Variants in SH3GL2 observed in about 807,000 individuals in gnomAD.
SH3GL2 encodes SH3 domain containing GRB2 like 2, endophilin A1.
Under a neutral mutation model 46.0 loss-of-function variants are expected in SH3GL2, and 24 were observed. That is an observed-to-expected ratio of 0.52 (90% CI 0.38 to 0.73). The LOEUF is 0.73. Ranked by LOEUF, SH3GL2 falls within the 30% of genes least tolerant of loss-of-function variation. SH3GL2 has a pLI of 0.00. For synonymous variants in SH3GL2, 196 were observed against 147.1 expected (o/e 1.33, Z -2.40); for missense variants, 413 against 424.2 (o/e 0.97, Z 0.23).
intron 8 of SH3GL2, among the ~76,000 whole-genome samples, chr9:17,794,431 C>G (rs1824223994): frequency 6.6e-6 from 1 of 152,154 alleles, no homozygotes; most frequent in East Asian, 1.9e-4. Flanking sequence ...GTCCTTTGCG[C>G]TCAGCACTTC....
At chr9:17,647,818 GTTGAACT>G (rs1588203460) in intron 1 of SH3GL2, among the ~76,000 whole-genome samples, 1 of 152,162 alleles carries the variant, frequency 6.6e-6, no homozygotes, top group East Asian at 1.9e-4. Context: ...CATTTTTACA[GTTGAACT>G]TTGAACAACA....
intron 1 of SH3GL2, among the ~76,000 whole-genome samples, chr9:17,687,918 T>C (rs966141819): frequency 6.6e-6 from 1 of 152,124 alleles, no homozygotes; most frequent in Non-Finnish European, 1.5e-5. Context: ...AGTTCTGTTA[T>C]GTAACAAAAT....
At chr9:17,681,096 T>G (rs893218069) in intron 1 of SH3GL2, among the ~76,000 whole-genome samples, 2 of 152,176 alleles carry the variant, frequency 1.3e-5, no homozygotes, top group African/African-American at 4.8e-5. Context: ...ACCAAATCTT[T>G]TAACTACCCA....
At chr9:17,658,577 A>G (rs1563801064) in intron 1 of SH3GL2, among the ~76,000 whole-genome samples, 1 of 152,270 alleles carries the variant, frequency 6.6e-6, no homozygotes, top group Non-Finnish European at 1.5e-5. Flanking sequence ...ACAAAAGCAT[A>G]AAATAACATT....
intron 1 of SH3GL2, among the ~76,000 whole-genome samples, chr9:17,725,917 GTTC>G (rs897026318): frequency 3.3e-5 from 5 of 152,222 alleles, no homozygotes; most frequent in African/African-American, 1.2e-4. Context: ...GAACCCCCGT[GTTC>G]TTGGCCATAT....
chr9:17,580,485 ATCT>A (rs1179951640), intron 1 of SH3GL2, among the ~76,000 whole-genome samples: 7 of 152,206 alleles, frequency 4.6e-5, no homozygotes, highest in Non-Finnish European at 8.8e-5. Flanking sequence ...CATCTGCATC[ATCT>A]TCATCACACA....
intron 1 of SH3GL2, among the ~76,000 whole-genome samples, chr9:17,687,428 A>G (rs1820948563): frequency 1.4e-5 from 2 of 146,864 alleles, no homozygotes; most frequent in East Asian, 4.1e-4. Flanking sequence ...AGTATGCTGA[A>G]TGGTAACACT....
chr9:17,693,829 C>G (rs1457775266), intron 1 of SH3GL2, among the ~76,000 whole-genome samples: 3 of 152,142 alleles, frequency 2.0e-5, no homozygotes, highest in African/African-American at 7.2e-5. Context: ...CACTGAACAT[C>G]AGTACATTTG....
In SH3GL2 at chr9:17,742,660, T is replaced by C. The variant is rs571006663; in HGVS notation, c.46-4406T>C. Among the ~76,000 whole-genome samples the C allele has an allele frequency of 2.0e-5, 3 of 152,306 alleles. No homozygotes were observed. In the South Asian group the frequency reaches 6.2e-4, roughly 32 times the overall value. On this transcript the variant is annotated intron_variant, in intron 1 of 8. Coordinates refer to ENST00000380607, the MANE Select transcript of SH3GL2 (RefSeq NM_003026.5). Reference sequence around the variant, plus strand: ...ACAAATCTTTACTGAATACCTCTTATGAGGAAGACGATAAAGAATAAGAGG... The same window carrying C: ...ACAAATCTTTACTGAATACCTCTTACGAGGAAGACGATAAAGAATAAGAGG...
At chr9:17,721,064 C>T (rs147498069) in intron 1 of SH3GL2, among the ~76,000 whole-genome samples, 36 of 152,148 alleles carry the variant, frequency 2.4e-4, no homozygotes, top group African/African-American at 8.2e-4. Context: ...TTTCTGAACT[C>T]TCGCACTCTC....
chr9:17,738,626 T>TTTTATATATATATATA (rs58272546), intron 1 of SH3GL2, among the ~76,000 whole-genome samples: 56 of 74,806 alleles, frequency 7.5e-4, no homozygotes, highest in East Asian at 5.6e-3. Flanking sequence ...TCATGTGATT[T>TTTTATATATATATATA]TATATATATA....
intron 3 of SH3GL2, among the ~76,000 whole-genome samples, chr9:17,784,802 T>A (rs1486144049): frequency 6.6e-6 from 1 of 152,156 alleles, no homozygotes; most frequent in Non-Finnish European, 1.5e-5. Context: ...CGCCTCAAAC[T>A]CCTGGCCTTG....
intron 1 of SH3GL2, among the ~76,000 whole-genome samples, chr9:17,676,800 G>A (rs930169041): frequency 6.6e-6 from 1 of 152,204 alleles, no homozygotes; most frequent in African/African-American, 2.4e-5. Flanking sequence ...GAAGGTCTGA[G>A]TCATAACAGA....
chr9:17,682,900 C>G (rs1176564683), intron 1 of SH3GL2, among the ~76,000 whole-genome samples: 1 of 152,072 alleles, frequency 6.6e-6, no homozygotes, highest in Non-Finnish European at 1.5e-5. Flanking sequence ...CCAAAACTGA[C>G]AAGAAACCTT....
intron 1 of SH3GL2, among the ~76,000 whole-genome samples, chr9:17,673,168 T>C (rs1238031594): frequency 6.6e-6 from 1 of 152,028 alleles, no homozygotes; most frequent in Non-Finnish European, 1.5e-5. Context: ...TGTTTGTTTT[T>C]GAGACAGTCT....
At chr9:17,747,965 C>T (rs1486622623) in intron 2 of SH3GL2, among the ~76,000 whole-genome samples, 5 of 152,144 alleles carry the variant, frequency 3.3e-5, no homozygotes, top group African/African-American at 4.8e-5. Context: ...TGAACCACTG[C>T]ACCCAGCAGA....
At chr9:17,712,141 C>G (rs1784039083) in intron 1 of SH3GL2, among the ~76,000 whole-genome samples, 1 of 151,384 alleles carries the variant, frequency 6.6e-6, no homozygotes, top group Non-Finnish European at 1.5e-5. Context: ...AAATCTGTTC[C>G]TCATTTCTCT....
At chr9:17,645,182 T>TTTTTTA (rs1819781790) in intron 1 of SH3GL2, among the ~76,000 whole-genome samples, 2 of 72,704 alleles carry the variant, frequency 2.8e-5, no homozygotes, top group Non-Finnish European at 5.7e-5. Context: ...TTTTTTTTTT[T>TTTTTTA]GCTTTCCATT....
At chr9:17,595,218 T>C (rs1192783492) in intron 1 of SH3GL2, among the ~76,000 whole-genome samples, 19 of 152,196 alleles carry the variant, frequency 1.2e-4, no homozygotes, top group Admixed American at 1.2e-3. Context: ...ATGAGTCCTA[T>C]TGTCACCTTA....
Sources: allele counts gnomAD v4.1 joint callset (sites outside exome capture counted in the v4.1 genomes callset), GRCh38; gene constraint gnomAD v4.1.1; transcripts MANE v1.5; gene names NCBI Gene and HGNC (gene_info 2026-07-23, HGNC 2026-07-21).